The following MAGI1 variants were observed in gnomAD, a reference collection of about 807,000 sequenced individuals.
The protein encoded by MAGI1 is membrane-associated guanylate kinase, WW and PDZ domain-containing protein 1.
A neutral mutation model predicts 139.9 loss-of-function variants in MAGI1; 58 were observed. The ratio of observed to expected loss-of-function variants is 0.41; its 90% CI spans 0.34 to 0.52. The LOEUF (loss-of-function observed/expected upper bound fraction) is 0.52. Ranked by LOEUF, MAGI1 falls within the 20% of genes least tolerant of loss-of-function variation. MAGI1 has a pLI of 0.12. For synonymous variants in MAGI1, 812 were observed against 737.9 expected (o/e 1.10, Z -1.63); for missense variants, 1,874 against 1,901.6 (o/e 0.99, Z 0.27).
rs1017380781 is a variant in MAGI1 at position 65,970,304 on chromosome 3, T to C, written c.313+67692A>G. ...CCAAGAATAATTAAATTCATAGAGC[T>C]AGAATACAATGTTGGTTGCCAGGGA... On this transcript the variant is annotated intron_variant, in intron 1 of 22. Coordinates refer to ENST00000402939, the MANE Select transcript of MAGI1 (RefSeq NM_001033057.2). Among the ~76,000 whole-genome samples, 3 of 152,150 alleles carry C rather than the reference T, an allele frequency of 2.0e-5. No individual in the cohort carries two copies. The East Asian group carries it at 5.8e-4, about 29-fold the overall frequency.
chr3:65,948,418 G>A (rs1430714528), intron 1 of MAGI1, among the ~76,000 whole-genome samples: 1 of 152,002 alleles, frequency 6.6e-6, no homozygotes, highest in Non-Finnish European at 1.5e-5. Flanking sequence ...TATTGCAATA[G>A]CCTAAATAAA....
intron 1 of MAGI1, among the ~76,000 whole-genome samples, chr3:66,003,177 C>G (rs1360375140): frequency 6.6e-6 from 1 of 152,112 alleles, no homozygotes; most frequent in Non-Finnish European, 1.5e-5. Flanking sequence ...AAGCCCTTTC[C>G]CCTTGAACAG....
intron 1 of MAGI1, among the ~76,000 whole-genome samples, chr3:65,804,140 G>A (rs2040690151): frequency 6.6e-6 from 1 of 152,100 alleles, no homozygotes; most frequent in South Asian, 2.1e-4. Flanking sequence ...TACTGATGTA[G>A]AAGAACAGAA....
chr3:65,968,595 T>A (rs1443267737), intron 1 of MAGI1, among the ~76,000 whole-genome samples: 2 of 151,076 alleles, frequency 1.3e-5, no homozygotes, highest in Non-Finnish European at 2.9e-5. Flanking sequence ...ATTCTCTATA[T>A]AATATATATA....
chr3:65,374,352 C>G lies in MAGI1; in HGVS notation c.3196+1393G>C, dbSNP rs145456356. On this transcript the variant is annotated intron_variant, in intron 18 of 22. Transcript: ENST00000402939. ...TTTTTTTTTTGAGATGAGTCTCGCC[C>G]TGTTGCCCAGGCTGGAGTGCAGTGG... Among the ~76,000 whole-genome samples, 818 of 146,870 alleles carry G rather than the reference C, an allele frequency of 5.6e-3. 5 individuals carry two copies. The highest frequency in any genetic ancestry group is 0.02 in the African/African-American group (776 of 39,662).
At chr3:65,534,383 C>G (rs932688543) in intron 2 of MAGI1, among the ~76,000 whole-genome samples, 1 of 152,030 alleles carries the variant, frequency 6.6e-6, no homozygotes, top group Non-Finnish European at 1.5e-5. Flanking sequence ...CCCAGATACT[C>G]AGGAGGCCGA....
At chr3:65,551,462 G>C (rs765978141) in intron 2 of MAGI1, among the ~76,000 whole-genome samples, 1 of 152,070 alleles carries the variant, frequency 6.6e-6, no homozygotes, top group Non-Finnish European at 1.5e-5. Flanking sequence ...CACCGCGCGC[G>C]GCTAATTTTC....
chr3:65,680,643 A>G (rs2087520339), intron 1 of MAGI1, among the ~76,000 whole-genome samples: 2 of 151,790 alleles, frequency 1.3e-5, no homozygotes, highest in Admixed American at 1.3e-4. Flanking sequence ...CTGGTCTTGA[A>G]CTCCTGAACT....
rs2033364065 is a variant in MAGI1, at chr3:65,724,191, T to C, written c.314-102103A>G. ...TTTGTTTGTATATAAACTCACACTG[T>C]CCTGTGAAAATTATAATGTAGTCAT... On this transcript the variant is annotated intron_variant, in intron 1 of 22. Coordinates refer to ENST00000402939, the MANE Select transcript of MAGI1 (RefSeq NM_001033057.2). Among the ~76,000 whole-genome samples the C allele has an allele frequency of 1.3e-5, 2 of 152,264 alleles. 1 individual carries two copies. The highest frequency in any genetic ancestry group is 4.1e-4 in the South Asian group (2 of 4,836).
chr3:66,009,442 C>A (rs1381496269), intron 1 of MAGI1, among the ~76,000 whole-genome samples: 1 of 151,916 alleles, frequency 6.6e-6, no homozygotes, highest in African/African-American at 2.4e-5. Flanking sequence ...CCCCAGAGAC[C>A]GAGGTTGCAG....
chr3:65,361,077 C>T (rs1225181956), intron 22 of MAGI1, 122 bp downstream of exon 22: 6 of 1,586,248 alleles, frequency 3.8e-6, no homozygotes, highest in East Asian at 4.5e-5. Flanking sequence ...TCACATGGTG[C>T]GAGAGGCTGG....
At chr3:65,987,631 G>C (rs906428046) in intron 1 of MAGI1, among the ~76,000 whole-genome samples, 1 of 151,998 alleles carries the variant, frequency 6.6e-6, no homozygotes, top group African/African-American at 2.4e-5. Flanking sequence ...GTCTTACTCT[G>C]TCACCCAGGC....
rs185474869 is a variant in MAGI1 at position 65,876,573 on chromosome 3, A to T, written c.313+161423T>A. Among the ~76,000 whole-genome samples, 1,297 of 152,306 alleles carry T rather than the reference A, an allele frequency of 8.5e-3. 17 individuals are homozygous for T. Among genetic ancestry groups the T allele is most frequent in the African/African-American group, 0.03 (1,238 of 41,564 alleles). On this transcript the variant is annotated intron_variant, in intron 1 of 22. Coordinates refer to ENST00000402939, the MANE Select transcript of MAGI1 (RefSeq NM_001033057.2). Reference sequence around the variant, plus strand: ...TCACAATAAATATAAATATGAACATATCATTTCTAAATATAGAGGGAAATG... The same window carrying T: ...TCACAATAAATATAAATATGAACATTTCATTTCTAAATATAGAGGGAAATG...
chr3:65,541,825 G>A (rs915941963), intron 2 of MAGI1, among the ~76,000 whole-genome samples: 5 of 152,120 alleles, frequency 3.3e-5, no homozygotes, highest in African/African-American at 9.7e-5. Flanking sequence ...TGTTGAATGG[G>A]CAAAAACTGG....
chr3:65,464,317 C>T (rs6793301), intron 5 of MAGI1, among the ~76,000 whole-genome samples: 84,526 of 151,796 alleles, frequency 0.56, 24,877 homozygotes, highest in East Asian at 0.94. Context: ...GGTTCTTGCA[C>T]TGGGAGTTTA....
chr3:65,580,228 G>A (rs2081355115), intron 2 of MAGI1, among the ~76,000 whole-genome samples: 1 of 152,066 alleles, frequency 6.6e-6, no homozygotes, highest in Non-Finnish European at 1.5e-5. Context: ...AATGTATTCT[G>A]TACATGTACA....
At chr3:65,996,034 G>C (rs1406209750) in intron 1 of MAGI1, among the ~76,000 whole-genome samples, 1 of 151,998 alleles carries the variant, frequency 6.6e-6, no homozygotes, top group African/African-American at 2.4e-5. Context: ...ATCTTTTTCA[G>C]CTTTCTAAAA....
In MAGI1 at chr3:65,356,954, C is replaced by T; in HGVS notation, c.3813G>A (p.Glu1271=). The change falls in exon 23 of 23, where the codon GAG becomes GAA. Residue 1271 remains glutamate, a synonymous_variant. Coordinates refer to ENST00000402939, the MANE Select transcript of MAGI1 (RefSeq NM_001033057.2). ...GGTGTTCATTGGGTTGTCTGCTATA[C>T]TCTCTGCTGCCTTTCGGATCCCTTG... ...AHARDPKGSR[E]YSRQPNEHHT... 1.2e-6 allele frequency: 2 copies of T among 1,614,196 alleles called. No individual in the cohort carries two copies. The highest frequency in any genetic ancestry group is 1.7e-5 in the Admixed American group (1 of 60,032).
intron 4 of MAGI1, among the ~76,000 whole-genome samples, chr3:65,477,053 A>G (rs552766343): frequency 6.6e-6 from 1 of 152,334 alleles, no homozygotes; most frequent in South Asian, 2.1e-4. Flanking sequence ...GAGTCATTTT[A>G]CATATGGATG....
Sources: gnomAD v4.1 joint callset for allele counts (sites outside exome capture counted in the v4.1 genomes callset) on GRCh38, gnomAD v4.1.1 for gene constraint, MANE v1.5 for transcripts, NCBI Gene and HGNC (gene_info 2026-07-23, HGNC 2026-07-21) for gene names.